The following TENM4 variants were observed in gnomAD, a reference collection of about 807,000 sequenced individuals.
The protein encoded by TENM4 is teneurin transmembrane protein 4.
Under a neutral mutation model 243.3 loss-of-function variants are expected in TENM4, and 82 were observed. The ratio of observed to expected loss-of-function variants is 0.34; its 90% CI spans 0.28 to 0.40. The LOEUF (loss-of-function observed/expected upper bound fraction) is 0.40. Among genes scored for constraint, TENM4 ranks in the 10% least tolerant of loss-of-function variants. The pLI is 1.00. For missense variants in TENM4, 3,138 were observed against 3,673.3 expected (o/e 0.85, Z 3.77); for synonymous variants, 1,412 against 1,456.3 (o/e 0.97, Z 0.69).
intron 8 of TENM4, 46 bp downstream of exon 8, chr11:78,891,192 C>T (rs377553948): frequency 1.1e-5 from 17 of 1,528,264 alleles, no homozygotes; most frequent in African/African-American, 2.8e-5. Context: ...AGTGCAGGAG[C>T]CACAAGGAGA....
intron 2 of TENM4, among the ~76,000 whole-genome samples, chr11:79,228,328 G>A (rs981600147): frequency 6.6e-6 from 1 of 152,154 alleles, no homozygotes; most frequent in Non-Finnish European, 1.5e-5. Flanking sequence ...GTCACAGGTG[G>A]CCTTTTATTG....
intron 5 of TENM4, among the ~76,000 whole-genome samples, chr11:79,066,698 G>A (rs1251545074): frequency 4.0e-5 from 6 of 148,284 alleles, no homozygotes; most frequent in Middle Eastern, 3.5e-3. Context: ...GCACACTCGA[G>A]CACACACACG....
chr11:79,318,901 G>T (rs187742265), intron 1 of TENM4, among the ~76,000 whole-genome samples: 1 of 152,256 alleles, frequency 6.6e-6, no homozygotes, highest in East Asian at 1.9e-4. Context: ...GGAAGTGGGT[G>T]ATCTGACTGG....
At chr11:79,092,511 T>C (rs919391332) in intron 4 of TENM4, among the ~76,000 whole-genome samples, 2 of 152,216 alleles carry the variant, frequency 1.3e-5, no homozygotes, top group African/African-American at 4.8e-5. Flanking sequence ...CTTCTAAGTG[T>C]GGCCTCTATC....
chr11:78,910,182 C>T (rs1237284394), intron 6 of TENM4, among the ~76,000 whole-genome samples: 1 of 152,196 alleles, frequency 6.6e-6, no homozygotes, highest in Non-Finnish European at 1.5e-5. Context: ...GCTGAGTGCC[C>T]ACATCCAGCC....
chr11:79,053,796 T>A (rs1859865033), intron 6 of TENM4, among the ~76,000 whole-genome samples: 1 of 152,160 alleles, frequency 6.6e-6, no homozygotes, highest in Admixed American at 6.5e-5. Context: ...ATCAAACCCA[T>A]ATAAACTCCT....
intron 7 of TENM4, among the ~76,000 whole-genome samples, chr11:78,897,467 C>T (rs1488134533): frequency 6.6e-6 from 1 of 152,182 alleles, no homozygotes; most frequent in Admixed American, 6.5e-5. Context: ...TATGGAATAG[C>T]TGTGAAGAAT....
At chr11:79,231,721 A>G (rs1273818109) in intron 2 of TENM4, among the ~76,000 whole-genome samples, 2 of 152,238 alleles carry the variant, frequency 1.3e-5, no homozygotes, top group Non-Finnish European at 2.9e-5. Context: ...TGATTCACCC[A>G]GCTCTGAAGC....
At chr11:78,976,993 C>T (rs650408) in intron 6 of TENM4, among the ~76,000 whole-genome samples, 73,885 of 152,084 alleles carry the variant, frequency 0.49, 19,714 homozygotes, top group African/African-American at 0.72. Context: ...TAATATGCAA[C>T]AGAAATTCAT....
intron 19 of TENM4, among the ~76,000 whole-genome samples, chr11:78,753,589 A>G (rs1388150786): frequency 6.6e-6 from 1 of 152,236 alleles, no homozygotes; most frequent in African/African-American, 2.4e-5. Context: ...TCACTTGGGC[A>G]TATTTTACAC....
At chr11:79,270,477 T>C (rs1855950668) in intron 2 of TENM4, among the ~76,000 whole-genome samples, 1 of 152,196 alleles carries the variant, frequency 6.6e-6, no homozygotes, top group Admixed American at 6.5e-5. Context: ...TTTGGGATCA[T>C]CTGTACTGGA....
intron 3 of TENM4, among the ~76,000 whole-genome samples, chr11:79,211,583 A>G (rs1037880094): frequency 3.9e-5 from 6 of 152,208 alleles, no homozygotes; most frequent in Admixed American, 6.5e-5. Flanking sequence ...TATATAGCCA[A>G]ACGTTGAAGG....
rs1858297275 is a variant in TENM4 at position 78,670,539 on chromosome 11, G to T, written c.5806C>A (p.Leu1936Ile). The T allele has an allele frequency of 6.2e-7, 1 of 1,606,484 alleles. No individual in the cohort carries two copies. Among genetic ancestry groups the T allele is most frequent in the African/African-American group, 1.3e-5 (1 of 74,848 alleles). ...ATATACTGCCTCTGGCTGTGTAGTA[G>T]CAGCACCATGGACTGGAGGGAGAGG... Reference protein sequence around the residue: ...YTYLEKSMVLLLHSQRQYIFE... With the variant: ...YTYLEKSMVLILHSQRQYIFE... Residue 1936 changes from leucine (L) to isoleucine (I), a missense_variant, in exon 32 of 34, where the codon CTA becomes ATA. Leu to Ile is a conservative substitution (Grantham distance 5, BLOSUM62 2). Transcript: ENST00000278550.
intron 6 of TENM4, among the ~76,000 whole-genome samples, chr11:79,037,115 G>A (rs1436729005): frequency 2.0e-5 from 3 of 152,052 alleles, no homozygotes; most frequent in Non-Finnish European, 2.9e-5. Flanking sequence ...AGGGCAGGTA[G>A]GAAAGGGGCG....
chr11:79,373,621 A>G (rs1332801760), intron 1 of TENM4, among the ~76,000 whole-genome samples: 1 of 152,208 alleles, frequency 6.6e-6, no homozygotes, highest in East Asian at 1.9e-4. Context: ...AAGGAGGTCG[A>G]AAGATCATAT....
intron 6 of TENM4, among the ~76,000 whole-genome samples, chr11:79,024,305 C>G (rs1216179516): frequency 6.6e-6 from 1 of 152,200 alleles, no homozygotes; most frequent in Admixed American, 6.5e-5. Flanking sequence ...TCCATTCCAG[C>G]CTCCCTAGAC....
chr11:79,310,018 G>A (rs1856692747), intron 1 of TENM4, among the ~76,000 whole-genome samples: 1 of 152,140 alleles, frequency 6.6e-6, no homozygotes, highest in South Asian at 2.1e-4. Flanking sequence ...CAGCCCCTGT[G>A]TCTCTGGCTC....
At chr11:79,060,634 G>A (rs1860062358) in intron 6 of TENM4, among the ~76,000 whole-genome samples, 1 of 152,194 alleles carries the variant, frequency 6.6e-6, no homozygotes, top group African/African-American at 2.4e-5. Flanking sequence ...GAGGACGCCT[G>A]CAGACTCAAA....
chr11:79,164,271 GTATATATAGTATATAGATATA>G (rs1259183931), intron 3 of TENM4, among the ~76,000 whole-genome samples: 2 of 123,918 alleles, frequency 1.6e-5, no homozygotes, highest in African/African-American at 6.8e-5. Flanking sequence ...AGATATACTA[GTATATATAGTATATAGATATA>G]CTAGTATATA....
Sources: allele counts gnomAD v4.1 joint callset (sites outside exome capture counted in the v4.1 genomes callset), GRCh38; gene constraint gnomAD v4.1.1; transcripts MANE v1.5; gene names NCBI Gene and HGNC (gene_info 2026-07-23, HGNC 2026-07-21).